The following FKBP4 variants were observed in gnomAD, a reference collection of about 807,000 sequenced individuals.
FKBP4 encodes FKBP prolyl isomerase 4.
FKBP4 carries 28 observed loss-of-function variants against 54.1 expected under a neutral mutation model. The observed-to-expected ratio is 0.52, with a 90% CI of 0.38 to 0.71. FKBP4 has a LOEUF of 0.71. Ranked by LOEUF, FKBP4 falls within the 30% of genes least tolerant of loss-of-function variation. The pLI is 0.00. For synonymous variants in FKBP4, 223 were observed against 216.1 expected, an observed-to-expected ratio of 1.03 and a Z score of -0.28; for missense variants, 493 against 574.4, an observed-to-expected ratio of 0.86 and a Z score of 1.45.
In FKBP4 at chr12:2,797,144, A is replaced by AAG. The variant is rs748582920; in HGVS notation, c.119_120dup (p.Gly41ArgfsTer9). The AAG allele has an allele frequency of 6.2e-7, 1 of 1,612,488 alleles. No individual in the cohort carries two copies. Among genetic ancestry groups the AAG allele is most frequent in the African/African-American group, 1.3e-5 (1 of 74,982 alleles). ...TTCTCCCCCTTCCTCCCAGGTCATC[A>AAG]AGAGAGAGGGCACAGGTACAGAGAT... On this transcript the variant is annotated frameshift_variant, in exon 2 of 10. Coordinates refer to ENST00000001008, the MANE Select transcript of FKBP4 (RefSeq NM_002014.4). LOFTEE classifies it high-confidence loss of function.
chr12:2,798,834 A>T lies in FKBP4; in HGVS notation c.514+8A>T. On this transcript the variant is annotated splice_region_variant and intron_variant, in intron 4 of 9. Transcript: ENST00000001008. This position sits in a 1 kb window ranked among gnomAD's most constrained non-coding sequence, Gnocchi z 4.3. ...AGGGTGCTATCGTGGAGGGTGAGAC[A>T]GTACAGTCTGGGCTTTCAATTCTCA... The T allele has an allele frequency of 1.2e-6, 2 of 1,613,548 alleles. No individual in the cohort carries two copies. The highest frequency in any genetic ancestry group is 1.7e-6 in the Non-Finnish European group (2 of 1,179,488).
Position 2,795,851 on chromosome 12 carries a change from G to GT in FKBP4, c.105+607_105+608insT. 1.5e-6 allele frequency: 1 copy of GT among 648,950 alleles called. No individual in the cohort carries two copies. The highest frequency in any genetic ancestry group is 1.9e-6 in the Non-Finnish European group (1 of 520,776). The allele number at this position is 648,950 out of a possible 1,614,324, so 40.2% of individuals were successfully genotyped here. On this transcript the variant is annotated intron_variant, in intron 1 of 9. Coordinates refer to ENST00000001008, the MANE Select transcript of FKBP4 (RefSeq NM_002014.4). The surrounding 1 kb of genome is among the most constrained non-coding windows in gnomAD (Gnocchi z 4.3). The stretch of plus-strand genomic sequence containing the variant: ...CCCTGCCGACGCCGGGACCCAGCGA[G>GT]GTCCCCACTCGCCGCGCGGCGCCCC...
At chr12:2,801,596 G>A (rs1043775442) in intron 9 of FKBP4, 1 of 612,656 alleles carries the variant, frequency 1.6e-6, no homozygotes, top group Non-Finnish European at 3.0e-6. Context: ...CCCGATTTAT[G>A]TTTTCTTGTG....
rs991627875 is a variant in FKBP4 at position 2,803,872 on chromosome 12, C to T, written c.*614C>T. The T allele has an allele frequency of 6.5e-6, 1 of 153,398 alleles. No homozygotes were observed. The highest frequency in any genetic ancestry group is 1.5e-5 in the Non-Finnish European group (1 of 68,578). 9.5% of individuals were successfully genotyped at this position (153,398 alleles called of 1,614,324 possible). On this transcript the variant is annotated 3_prime_UTR_variant, in exon 10 of 10. Coordinates refer to ENST00000001008, the MANE Select transcript of FKBP4 (RefSeq NM_002014.4). ...TGTCCCAAAATCCCCTCAGCCTCTT[C>T]TCTGCACGTTGCTGAAGGTCCAGGC...
chr12:2,795,244 G>C lies in FKBP4; in HGVS notation c.105G>C (p.Lys35Asn), dbSNP rs759783549. 1 of 1,320,984 alleles carries C rather than the reference G, an allele frequency of 7.6e-7. No individual in the cohort carries two copies. The highest frequency in any genetic ancestry group is 9.7e-7 in the Non-Finnish European group (1 of 1,027,002). 81.8% of individuals were successfully genotyped at this position (1,320,984 alleles called of 1,614,324 possible). The change falls in exon 1 of 10, where the codon AAG becomes AAC. Residue 35 changes from lysine (K) to asparagine (N), a missense_variant and splice_region_variant. Physicochemically the swap from Lys to Asn is moderately conservative, Grantham distance 94. Transcript: ENST00000001008. This position sits in a 1 kb window ranked among gnomAD's most constrained non-coding sequence, Gnocchi z 4.3. ...ISPKQDEGVL[K>N]VIKREGTGTE... ...CCAAACAGGACGAAGGCGTGCTGAA[G>C]GTGAGGGGCGGCGGGGCCTGCGGAG...
chr12:2,796,308 G>C (rs1228932485), intron 1 of FKBP4: 4 of 1,289,150 alleles, frequency 3.1e-6, no homozygotes, highest in Non-Finnish European at 4.0e-6. Context: ...CTCTCCTGTG[G>C]CATGTGACTT....
Position 2,798,614 on chromosome 12 carries a change from C to T in FKBP4, c.394-92C>T. The T allele has an allele frequency of 6.3e-7, 1 of 1,591,440 alleles. No individual in the cohort carries two copies. The highest frequency in any genetic ancestry group is 8.6e-7 in the Non-Finnish European group (1 of 1,167,270). On this transcript the variant is annotated intron_variant, in intron 3 of 9. Coordinates refer to ENST00000001008, the MANE Select transcript of FKBP4 (RefSeq NM_002014.4). This position sits in a 1 kb window ranked among gnomAD's most constrained non-coding sequence, Gnocchi z 4.3. ...GCCCTTGTGGTCAGATCCGGCCTGG[C>T]AGTTAGTAGGGACTCTCTCGGATGA... is the stretch of plus-strand genomic sequence containing the variant.
Position 2,798,928 on chromosome 12 carries a change from A to T in FKBP4, c.514+102A>T. On this transcript the variant is annotated intron_variant, in intron 4 of 9. Coordinates refer to ENST00000001008, the MANE Select transcript of FKBP4 (RefSeq NM_002014.4). This position sits in a 1 kb window ranked among gnomAD's most constrained non-coding sequence, Gnocchi z 4.3. ...GTTCTCCGAGCCTATCTTCTTGTCCATAAAATGAGGGGTTGGACCATATTC... is the reference window on the plus strand; with the variant it reads ...GTTCTCCGAGCCTATCTTCTTGTCCTTAAAATGAGGGGTTGGACCATATTC... The T allele has an allele frequency of 1.4e-6, 2 of 1,453,736 alleles. No individual in the cohort carries two copies. Among genetic ancestry groups the T allele is most frequent in the South Asian group, 1.2e-5 (1 of 82,182 alleles). 90.1% of individuals were successfully genotyped at this position (1,453,736 alleles called of 1,614,324 possible). A position where few individuals can be genotyped will look rare whatever the true frequency, so the allele number is the denominator to read the frequency against.
chr12:2,805,062 A>C lies in FKBP4; in HGVS notation c.*1804A>C. 5.6e-6 allele frequency: 2 copies of C among 358,746 alleles called. No homozygotes were observed. Among genetic ancestry groups the C allele is most frequent in the South Asian group, 4.1e-5 (2 of 48,702 alleles). The allele number at this position is 358,746 out of a possible 1,614,324, so 22.2% of individuals were successfully genotyped here. The stretch of plus-strand genomic sequence containing the variant: ...GCCAACAATAATCACTAACTCAAGC[A>C]TTTATGGAGTAAGCCTAGCACTGTA... On this transcript the variant is annotated 3_prime_UTR_variant, in exon 10 of 10. Transcript: ENST00000001008.
chr12:2,799,251 G>A lies in FKBP4; in HGVS notation c.671+7G>A. The A allele has an allele frequency of 6.7e-7, 1 of 1,487,238 alleles. No homozygotes were observed. Among genetic ancestry groups the A allele is most frequent in the South Asian group, 1.4e-5 (1 of 69,186 alleles). The allele number at this position is 1,487,238 out of a possible 1,614,324, so 92.1% of individuals were successfully genotyped here. On this transcript the variant is annotated splice_region_variant and intron_variant, in intron 5 of 9. Coordinates refer to ENST00000001008, the MANE Select transcript of FKBP4 (RefSeq NM_002014.4). The stretch of plus-strand genomic sequence containing the variant: ...TCGTGTACCTCAAGCCCAGGTGAGG[G>A]GTGGGCACTTCGTAGGGTAGGCAGG...
In FKBP4 at chr12:2,795,074, C is replaced by G. The variant is rs1191220264; in HGVS notation, c.-66C>G. On this transcript the variant is annotated 5_prime_UTR_variant, in exon 1 of 10. Coordinates refer to ENST00000001008, the MANE Select transcript of FKBP4 (RefSeq NM_002014.4). This position sits in a 1 kb window ranked among gnomAD's most constrained non-coding sequence, Gnocchi z 4.3. ...CCCGCACGCCCCGCAGGTAGCGCCC[C>G]CGCCCGCGGCCCAGAGTGCGCTCGC... is the stretch of plus-strand genomic sequence containing the variant. 9.4e-7 allele frequency: 1 copy of G among 1,059,330 alleles called. No homozygotes were observed. Among genetic ancestry groups the G allele is most frequent in the Admixed American group, 4.2e-5 (1 of 23,840 alleles). 65.6% of individuals were successfully genotyped at this position (1,059,330 alleles called of 1,614,324 possible).
In FKBP4 at chr12:2,797,915, ATC is replaced by A. The variant is rs778478297; in HGVS notation, c.393+47_393+48del. On this transcript the variant is annotated intron_variant, in intron 3 of 9. Transcript: ENST00000001008. ...AGATCCAGGCTAAGAGCCAGGCCTT[ATC>A]TCAGCCCAATGCCTGGCTGCCCTCC... 4.4e-6 allele frequency: 7 copies of A among 1,581,070 alleles called. No individual in the cohort carries two copies. The South Asian group carries it at 8.1e-5, about 18-fold the overall frequency.
In FKBP4 at chr12:2,803,459, C is replaced by G; in HGVS notation, c.*201C>G. On this transcript the variant is annotated 3_prime_UTR_variant, in exon 10 of 10. Transcript: ENST00000001008. Reference sequence around the variant, plus strand: ...GAATCATTTTAGCTGGTGTCAGCCCCTCTTCCCTTCCTCCATTGCACATGA... The same window carrying G: ...GAATCATTTTAGCTGGTGTCAGCCCGTCTTCCCTTCCTCCATTGCACATGA... 1 of 568,686 alleles carries G rather than the reference C, an allele frequency of 1.8e-6. No homozygotes were observed. Among genetic ancestry groups the G allele is most frequent in the Admixed American group, 3.0e-5 (1 of 33,438 alleles). 35.2% of individuals were successfully genotyped at this position (568,686 alleles called of 1,614,324 possible).
chr12:2,796,232 C>G (rs746004124), intron 1 of FKBP4: 13 of 1,289,188 alleles, frequency 1.0e-5, no homozygotes, highest in Non-Finnish European at 1.2e-5. Context: ...GGGGCCTTTA[C>G]CTGGTCCAGA....
chr12:2,801,741 G>T, intron 9 of FKBP4: 1 of 358,600 alleles, frequency 2.8e-6, no homozygotes, highest in Admixed American at 3.9e-5. Context: ...GTGACAAAAT[G>T]AAACCCCATC....
Position 2,799,173 on chromosome 12 carries a change from G to A in FKBP4, c.600G>A (p.Leu200=). 1 of 1,595,636 alleles carries A rather than the reference G, an allele frequency of 6.3e-7. No homozygotes were observed. The highest frequency in any genetic ancestry group is 1.1e-5 in the South Asian group (1 of 88,014). The part of the protein sequence containing the change: ...FEIGEGENLD[L]PYGLERAIQR... Reference sequence around the variant, plus strand: ...TTGGCGAGGGGGAGAACCTGGATCTGCCTTATGGTCTGGAGAGGGCCATTC... The same window carrying A: ...TTGGCGAGGGGGAGAACCTGGATCTACCTTATGGTCTGGAGAGGGCCATTC... The change falls in exon 5 of 10, where the codon CTG becomes CTA. Residue 200 remains leucine (L), a synonymous_variant. Coordinates refer to ENST00000001008, the MANE Select transcript of FKBP4 (RefSeq NM_002014.4).
chr12:2,797,323 G>T, intron 2 of FKBP4, 41 bp downstream of exon 2: 1 of 1,609,732 alleles, frequency 6.2e-7, no homozygotes, highest in South Asian at 1.1e-5. Context: ...GTTCGAGGTG[G>T]ACACAAGCTG....
chr12:2,801,550 G>GC, intron 9 of FKBP4, 194 bp downstream of exon 9: 1 of 773,892 alleles, frequency 1.3e-6, no homozygotes, highest in African/African-American at 1.7e-5. Context: ...CTACCCACAA[G>GC]CCCCAGAAGT....
In FKBP4 at chr12:2,805,057, C is replaced by CA. The variant is rs1481218340; in HGVS notation, c.*1801dup. 2.9e-6 allele frequency: 1 copy of CA among 339,098 alleles called. No homozygotes were observed. Among genetic ancestry groups the CA allele is most frequent in the Non-Finnish European group, 5.8e-6 (1 of 171,624 alleles). The allele number at this position is 339,098 out of a possible 1,614,324, so 21.0% of individuals were successfully genotyped here. ...CTGCAGCCAACAATAATCACTAACTCAAGCATTTATGGAGTAAGCCTAGCA... is the reference window on the plus strand; with the variant it reads ...CTGCAGCCAACAATAATCACTAACTCAAAGCATTTATGGAGTAAGCCTAGCA... On this transcript the variant is annotated 3_prime_UTR_variant, in exon 10 of 10. Transcript: ENST00000001008.
Sources: allele counts gnomAD v4.1 joint callset, GRCh38; gene constraint gnomAD v4.1.1; non-coding constraint Gnocchi (gnomAD v3.1); transcripts MANE v1.5; gene names NCBI Gene and HGNC (gene_info 2026-07-23, HGNC 2026-07-21).